The following TBC1D30 variants were observed in gnomAD, a reference collection of about 807,000 sequenced individuals.
TBC1D30 encodes the protein TBC1 domain family member 30.
TBC1D30 carries 31 observed loss-of-function variants against 63.2 expected under a neutral mutation model. The ratio of observed to expected loss-of-function variants is 0.49; its 90% CI spans 0.37 to 0.66. TBC1D30 has a LOEUF of 0.66. Ranked by LOEUF, TBC1D30 falls within the 30% of genes least tolerant of loss-of-function variation. The pLI is 0.00. For synonymous variants in TBC1D30, 307 were observed against 361.5 expected, an observed-to-expected ratio of 0.85 and a Z score of 1.71; for missense variants, 810 against 953.6, an observed-to-expected ratio of 0.85 and a Z score of 1.98.
intron 8 of TBC1D30, among the ~76,000 whole-genome samples, chr12:64,859,276 A>T (rs1415766328): frequency 1.3e-5 from 2 of 152,188 alleles, no homozygotes; most frequent in African/African-American, 4.8e-5. Flanking sequence ...GGACTGGCTC[A>T]TGAAAGACCA....
At position 64,880,310 on chromosome 12, in the gene TBC1D30, A is replaced by G. The variant is rs894686173; in HGVS notation, c.*4522A>G. 12 of 152,372 alleles carry G rather than the reference A, an allele frequency of 7.9e-5. No individual in the cohort carries two copies. The highest frequency in any genetic ancestry group is 2.0e-4 in the Admixed American group (3 of 15,294). The allele number at this position is 152,372 out of a possible 1,614,324, so 9.4% of individuals were successfully genotyped here. On this transcript the variant is annotated 3_prime_UTR_variant, in exon 12 of 12. Coordinates refer to ENST00000539867, the MANE Select transcript of TBC1D30 (RefSeq NM_015279.2). ...GCCGTTCCCTGCTGGCCATCTCCCA[A>G]TGCTGAATGTCTGACTCAGTTCAGG...
chr12:64,875,334 C>T lies in TBC1D30; in HGVS notation c.1832C>T (p.Pro611Leu), dbSNP rs533447867. ...GGGCTGGGGGCAGCAGAGGCATTCC[C>T]CTCTGGTTGTACAGCGACAGCTGGG... The part of the protein sequence containing the change: ...TNGLGAAEAF[P>L]SGCTATAGRE... Residue 611 changes from proline (P) to leucine (L), a missense_variant, in exon 12 of 12, where the codon CCC becomes CTC. Physicochemically the swap from Pro to Leu is moderately conservative, Grantham distance 98. Coordinates refer to ENST00000539867, the MANE Select transcript of TBC1D30 (RefSeq NM_015279.2). 3.9e-6 allele frequency: 6 copies of T among 1,536,234 alleles called. No homozygotes were observed. In the African/African-American group the frequency reaches 8.2e-5, roughly 21 times the overall value.
intron 1 of TBC1D30, among the ~76,000 whole-genome samples, chr12:64,765,398 A>G (rs930197515): frequency 7.0e-6 from 1 of 143,526 alleles, no homozygotes; most frequent in African/African-American, 2.6e-5. Context: ...ATTAGGCAGG[A>G]GAATGGCGTG....
chr12:64,875,686 A>T lies in TBC1D30; in HGVS notation c.2184A>T (p.Gly728=), dbSNP rs1198777944. The T allele has an allele frequency of 4.6e-6, 7 of 1,536,464 alleles. No individual in the cohort carries two copies. Among genetic ancestry groups the T allele is most frequent in the Admixed American group, 2.0e-5 (1 of 50,994 alleles). ...AATCTGCTACTGCCAGGAACTTGGG[A>T]TTATATGGCCCTACAGAAAGAACCC... is the stretch of plus-strand genomic sequence containing the variant. ...LRKSATARNL[G]LYGPTERTPT... is the part of the protein sequence containing the mutation. Residue 728 remains glycine (G), a synonymous_variant, in exon 12 of 12, where the codon GGA becomes GGT. Transcript: ENST00000539867.
At chr12:64,803,103 A>C (rs183583955) in intron 2 of TBC1D30, among the ~76,000 whole-genome samples, 1 of 152,236 alleles carries the variant, frequency 6.6e-6, no homozygotes, top group Non-Finnish European at 1.5e-5. Context: ...ACTAGTTTAC[A>C]GTCCCACCAA....
chr12:64,871,967 A>T (rs1878694032), intron 11 of TBC1D30, among the ~76,000 whole-genome samples: 1 of 152,204 alleles, frequency 6.6e-6, no homozygotes, highest in Non-Finnish European at 1.5e-5. Flanking sequence ...ATCAGGGATC[A>T]GCAAACTGTG....
In TBC1D30 at chr12:64,781,087, AGAG is replaced by A. The variant is rs1347570671; in HGVS notation, c.290_292del (p.Glu97del). 2.4e-5 allele frequency: 24 copies of A among 1,006,762 alleles called. No homozygotes were observed. In the East Asian group the frequency reaches 3.4e-4, roughly 14 times the overall value. The allele number at this position is 1,006,762 out of a possible 1,614,324, so 62.4% of individuals were successfully genotyped here. A position where few individuals can be genotyped will look rare whatever the true frequency, so the allele number is the denominator to read the frequency against. ...TGCTCAACGAGCTGTACAGCTGCAC[AGAG>A]GAGGAGGAGGCGGCGGGCGGGGGCC... On this transcript the variant is annotated inframe_deletion, in exon 1 of 13. Coordinates refer to the TBC1D30 transcript ENST00000542120.
intron 2 of TBC1D30, 38 bp from the exon 3 acceptor site, chr12:64,828,406 A>C (rs981867518): frequency 6.8e-7 from 1 of 1,461,098 alleles, no homozygotes. Flanking sequence ...TATCTAGGTC[A>C]CTGTGATCAC....
chr12:64,791,060 A>G (rs957881189), intron 2 of TBC1D30, among the ~76,000 whole-genome samples: 2 of 152,280 alleles, frequency 1.3e-5, no homozygotes, highest in Admixed American at 6.5e-5. Context: ...ATGAATGGAT[A>G]TATCAAATGT....
chr12:64,761,607 C>T (rs974217022), intron 1 of TBC1D30, among the ~76,000 whole-genome samples: 1 of 152,174 alleles, frequency 6.6e-6, no homozygotes, highest in African/African-American at 2.4e-5. Context: ...AAATTCCCAC[C>T]CAGCGCCATG....
rs11175583 is a variant in TBC1D30 at position 64,880,036 on chromosome 12, C to A, written c.*4248C>A. The A allele has an allele frequency of 6.6e-6, 1 of 152,138 alleles. No individual in the cohort carries two copies. The highest frequency in any genetic ancestry group is 2.1e-4 in the South Asian group (1 of 4,808). The allele number at this position is 152,138 out of a possible 1,614,324, so 9.4% of individuals were successfully genotyped here. ...TGTTTGGATGAATTATGATTCATCCCCAGGATGGAAATGTGAAGGCCGGTG... is the reference window on the plus strand; with the variant it reads ...TGTTTGGATGAATTATGATTCATCCACAGGATGGAAATGTGAAGGCCGGTG... On this transcript the variant is annotated 3_prime_UTR_variant, in exon 12 of 12. Coordinates refer to ENST00000539867, the MANE Select transcript of TBC1D30 (RefSeq NM_015279.2).
At chr12:64,857,786 T>C (rs1445046144) in intron 8 of TBC1D30, among the ~76,000 whole-genome samples, 1 of 152,228 alleles carries the variant, frequency 6.6e-6, no homozygotes, top group Non-Finnish European at 1.5e-5. Flanking sequence ...AGATGGGCGA[T>C]TCCCCACTGG....
At chr12:64,821,428 T>G (rs545662731), upstream of TBC1D30, among the ~76,000 whole-genome samples, 88 of 152,246 alleles carry the variant, frequency 5.8e-4, no homozygotes, top group Non-Finnish European at 9.1e-4. Context: ...GCTTGTCCTC[T>G]TGGCTTGCCT....
chr12:64,806,900 A>C (rs1032444879), intron 2 of TBC1D30, among the ~76,000 whole-genome samples: 52 of 152,246 alleles, frequency 3.4e-4, no homozygotes, highest in African/African-American at 1.2e-3. Context: ...AACCTTGAGA[A>C]CACTATGCTG....
intron 10 of TBC1D30, among the ~76,000 whole-genome samples, chr12:64,870,174 A>G (rs2136474195): frequency 6.6e-6 from 1 of 152,352 alleles, no homozygotes; most frequent in East Asian, 1.9e-4. Flanking sequence ...AGAAGAATGC[A>G]CTTTTAATGA....
chr12:64,779,085 C>A (rs957793461), upstream of TBC1D30: 1 of 152,120 alleles, frequency 6.6e-6, no homozygotes, highest in Admixed American at 6.5e-5. Flanking sequence ...CTTTGAGTTT[C>A]TTTACCTGTA....
At chr12:64,854,745 T>C (rs995113383) in intron 8 of TBC1D30, among the ~76,000 whole-genome samples, 1 of 152,206 alleles carries the variant, frequency 6.6e-6, no homozygotes, top group Admixed American at 6.5e-5. Context: ...TCCACCTGCC[T>C]TGGCCTCCCA....
intron 1 of TBC1D30, among the ~76,000 whole-genome samples, chr12:64,762,816 G>C (rs79073680): frequency 0.068 from 10,382 of 152,074 alleles, 511 homozygotes; most frequent in Admixed American, 0.12. Context: ...TAGTGTGTTT[G>C]ATCAGTATTT....
chr12:64,851,343 C>G (rs1309875813), intron 8 of TBC1D30, among the ~76,000 whole-genome samples: 1 of 151,938 alleles, frequency 6.6e-6, no homozygotes, highest in Non-Finnish European at 1.5e-5. Context: ...AGAGACACAA[C>G]AAAAAAAGAA....
Sources: gnomAD v4.1 joint callset for allele counts (sites outside exome capture counted in the v4.1 genomes callset) on GRCh38, gnomAD v4.1.1 for gene constraint, MANE v1.5 for transcripts, NCBI Gene and HGNC (gene_info 2026-07-23, HGNC 2026-07-21) for gene names.